CREBRF: variants seen among roughly 807,000 people sequenced by gnomAD.
The protein encoded by CREBRF is UPF0474 protein C5orf41.
A neutral mutation model predicts 66.1 loss-of-function variants in CREBRF; 5 were observed. The ratio of observed to expected loss-of-function variants is 0.08; its 90% CI spans 0.04 to 0.16. The LOEUF (loss-of-function observed/expected upper bound fraction) is 0.16, where lower values mean the gene tolerates loss of function less well. Ranked by LOEUF, CREBRF falls within the 10% of genes least tolerant of loss-of-function variation. The pLI is 1.00. For missense variants in CREBRF, 531 were observed against 744.9 expected (o/e 0.71, Z 3.34); for synonymous variants, 229 against 264.4 (o/e 0.87, Z 1.30).
At chr5:173,064,929 G>C (rs1039249037) in intron 1 of CREBRF, among the ~76,000 whole-genome samples, 1 of 151,780 alleles carries the variant, frequency 6.6e-6, no homozygotes, top group East Asian at 1.9e-4. Context: ...GGCTGGTCTT[G>C]AACTCCTGAA....
intron 1 of CREBRF, among the ~76,000 whole-genome samples, chr5:173,078,282 T>C (rs1167693842): frequency 2.0e-5 from 3 of 152,272 alleles, no homozygotes; most frequent in African/African-American, 4.8e-5. Flanking sequence ...TAACATTTAC[T>C]GTGATGAATG....
At position 173,133,820 on chromosome 5, in the gene CREBRF, T is replaced by A; in HGVS notation, c.*75T>A. The A allele has an allele frequency of 1.3e-6, 1 of 754,140 alleles. No individual in the cohort carries two copies. The highest frequency in any genetic ancestry group is 2.3e-6 in the Non-Finnish European group (1 of 443,028). 46.7% of individuals were successfully genotyped at this position (754,140 alleles called of 1,614,324 possible). A position where few individuals can be genotyped will look rare whatever the true frequency, so the allele number is the denominator to read the frequency against. On this transcript the variant is annotated 3_prime_UTR_variant, in exon 9 of 9. Coordinates refer to ENST00000296953, the MANE Select transcript of CREBRF (RefSeq NM_153607.3). ...TCCATTGTAAATTTTCATTCTGTTT[T>A]GCATGTCAGTTAGCATTATGTAAAC...
chr5:173,106,400 A>G (rs569331108), intron 4 of CREBRF, among the ~76,000 whole-genome samples: 16 of 152,146 alleles, frequency 1.1e-4, no homozygotes, highest in African/African-American at 3.1e-4. Flanking sequence ...ACTGCACTCC[A>G]GCCTGGGCGA....
intron 8 of CREBRF, among the ~76,000 whole-genome samples, chr5:173,130,259 TAG>T (rs1284408606): frequency 3.9e-5 from 6 of 152,230 alleles, no homozygotes; most frequent in Non-Finnish European, 4.4e-5. Flanking sequence ...AAAGATCTGC[TAG>T]AGTTTGTTTA....
intron 4 of CREBRF, among the ~76,000 whole-genome samples, chr5:173,100,131 A>ATTTT (rs1184133658): frequency 9.3e-5 from 4 of 42,864 alleles, no homozygotes; most frequent in Admixed American, 5.1e-4. Flanking sequence ...TATATATATA[A>ATTTT]TTTTTTTTTT....
In CREBRF at chr5:173,135,790, A is replaced by G. The variant is rs1366120670; in HGVS notation, c.*2045A>G. The G allele has an allele frequency of 6.6e-6, 1 of 152,362 alleles. No individual in the cohort carries two copies. The highest frequency in any genetic ancestry group is 1.9e-4 in the East Asian group (1 of 5,194). 9.4% of individuals were successfully genotyped at this position (152,362 alleles called of 1,614,324 possible). ...ACAATGTTGCTTACCTGCTTCTTTG[A>G]CATCTTAAAAAAGAAATCCAAGGAG... On this transcript the variant is annotated 3_prime_UTR_variant, in exon 9 of 9. Coordinates refer to ENST00000296953, the MANE Select transcript of CREBRF (RefSeq NM_153607.3).
chr5:173,087,311 G>A (rs1028241258), intron 3 of CREBRF, among the ~76,000 whole-genome samples: 1 of 151,974 alleles, frequency 6.6e-6, no homozygotes, highest in African/African-American at 2.4e-5. Context: ...TTGAGCTCCC[G>A]ACCTCAGGTG....
chr5:173,101,319 A>G (rs1196016534), intron 4 of CREBRF, among the ~76,000 whole-genome samples: 1 of 152,020 alleles, frequency 6.6e-6, no homozygotes, highest in Non-Finnish European at 1.5e-5. Context: ...GGCCTCCCAG[A>G]GTGCTGGAAT....
rs1429024935 is a variant in CREBRF, at chr5:173,139,225, A to G, written c.*5480A>G. The G allele has an allele frequency of 2.0e-5, 3 of 152,220 alleles. No homozygotes were observed. Among genetic ancestry groups the G allele is most frequent in the African/African-American group, 7.2e-5 (3 of 41,458 alleles). 9.4% of individuals were successfully genotyped at this position (152,220 alleles called of 1,614,324 possible). A position where few individuals can be genotyped will look rare whatever the true frequency, so the allele number is the denominator to read the frequency against. ...CCCCTGAGCACTTCTAGTCAGATAC[A>G]GATTCATCAGTGTATGCAACATCCT... is the stretch of plus-strand genomic sequence containing the variant. On this transcript the variant is annotated 3_prime_UTR_variant, in exon 9 of 9. Coordinates refer to ENST00000296953, the MANE Select transcript of CREBRF (RefSeq NM_153607.3).
At chr5:173,131,348 A>G (rs1162828869) in intron 8 of CREBRF, among the ~76,000 whole-genome samples, 1 of 152,222 alleles carries the variant, frequency 6.6e-6, no homozygotes, top group African/African-American at 2.4e-5. Context: ...AATATCTAAT[A>G]TGGAATCCAT....
At chr5:173,105,542 C>T (rs1364919934) in intron 4 of CREBRF, among the ~76,000 whole-genome samples, 3 of 152,090 alleles carry the variant, frequency 2.0e-5, no homozygotes, top group Non-Finnish European at 2.9e-5. Context: ...ATGATCTCGT[C>T]TCACTGCACT....
At chr5:173,091,755 A>G in intron 4 of CREBRF, 3 of 1,001,830 alleles carry the variant, frequency 3.0e-6, no homozygotes, top group Non-Finnish European at 3.6e-6. Context: ...TTGAGCATTT[A>G]TGCAAAGACA....
At position 173,114,953 on chromosome 5, in the gene CREBRF, A is replaced by G. The variant is rs1196427512; in HGVS notation, c.1681+2574A>G. Among the ~76,000 whole-genome samples the G allele has an allele frequency of 4.6e-5, 7 of 152,058 alleles. No individual in the cohort carries two copies. In the East Asian group the frequency reaches 5.8e-4, roughly 13 times the overall value. On this transcript the variant is annotated intron_variant, in intron 7 of 8. Coordinates refer to ENST00000296953, the MANE Select transcript of CREBRF (RefSeq NM_153607.3). The stretch of plus-strand genomic sequence containing the variant: ...CAATTTCTGAGAGCCAGGTGCTTCT[A>G]TTTTCTAAACCAGAGGTTTGCGGTA...
intron 1 of CREBRF, among the ~76,000 whole-genome samples, chr5:173,067,070 C>G (rs1264533440): frequency 6.6e-6 from 1 of 152,118 alleles, no homozygotes; most frequent in African/African-American, 2.4e-5. Flanking sequence ...GCCTTAGCCT[C>G]CCAAAGTACT....
At chr5:173,099,308 C>T (rs560893287) in intron 4 of CREBRF, among the ~76,000 whole-genome samples, 11 of 152,194 alleles carry the variant, frequency 7.2e-5, no homozygotes, top group African/African-American at 2.6e-4. Context: ...GGCATGCACC[C>T]CCATACCCAG....
intron 1 of CREBRF, among the ~76,000 whole-genome samples, chr5:173,062,209 C>T (rs562926790): frequency 7.9e-5 from 12 of 152,244 alleles, no homozygotes; most frequent in African/African-American, 2.4e-4. Context: ...AATCTGGATT[C>T]GATTTTCTCC....
intron 4 of CREBRF, among the ~76,000 whole-genome samples, chr5:173,104,431 A>G (rs1222271586): frequency 6.6e-6 from 1 of 152,158 alleles, no homozygotes; most frequent in East Asian, 1.9e-4. Context: ...CCGTAATCTC[A>G]GCACTTTGGG....
At chr5:173,112,976 T>C (rs553066435) in intron 7 of CREBRF, among the ~76,000 whole-genome samples, 1 of 152,348 alleles carries the variant, frequency 6.6e-6, no homozygotes, top group South Asian at 2.1e-4. Flanking sequence ...TCCATATTTT[T>C]AACACTTCTC....
At chr5:173,062,605 TAA>T (rs566930184) in intron 1 of CREBRF, among the ~76,000 whole-genome samples, 1 of 147,340 alleles carries the variant, frequency 6.8e-6, no homozygotes. Flanking sequence ...TTGCAGGTAT[TAA>T]AAAAAAAAAG....
Sources: allele counts gnomAD v4.1 joint callset (sites outside exome capture counted in the v4.1 genomes callset), GRCh38; gene constraint gnomAD v4.1.1; transcripts MANE v1.5; gene names NCBI Gene and HGNC (gene_info 2026-07-23, HGNC 2026-07-21).